HS3ST5: variants seen among roughly 807,000 people sequenced by gnomAD.
HS3ST5 encodes the protein heparan sulfate glucosamine 3-O-sulfotransferase 5.
HS3ST5 carries 10 observed loss-of-function variants against 25.4 expected under a neutral mutation model. The ratio of observed to expected loss-of-function variants is 0.39; its 90% CI spans 0.24 to 0.67. HS3ST5 has a LOEUF of 0.67. HS3ST5 is among the 30% of genes least tolerant of loss of function. The probability of loss-of-function intolerance (pLI) is 0.44; values close to 1 mark genes in which losing one functional copy is unlikely to be tolerated. For synonymous variants in HS3ST5, 170 were observed against 162.4 expected, an observed-to-expected ratio of 1.05 and a Z score of -0.36; for missense variants, 324 against 420.7, an observed-to-expected ratio of 0.77 and a Z score of 2.01.
chr6:114,171,061 T>C (rs114136395), intron 2 of HS3ST5, among the ~76,000 whole-genome samples: 2,482 of 152,294 alleles, frequency 0.016, 35 homozygotes, highest in African/African-American at 0.038. Flanking sequence ...TGAAATCAAA[T>C]ATTGATATGT....
chr6:114,144,956 A>G (rs1778081719), intron 3 of HS3ST5, among the ~76,000 whole-genome samples: 1 of 152,178 alleles, frequency 6.6e-6, no homozygotes, highest in Admixed American at 6.5e-5. Flanking sequence ...TTGGCCGGGT[A>G]GTGACATACC....
intron 1 of HS3ST5, among the ~76,000 whole-genome samples, chr6:114,240,312 T>C (rs1290104536): frequency 2.0e-5 from 3 of 152,178 alleles, no homozygotes; most frequent in Non-Finnish European, 4.4e-5. Flanking sequence ...CACCAATTCA[T>C]AAAGCACTGG....
At chr6:114,160,983 A>G (rs1778917480) in intron 3 of HS3ST5, among the ~76,000 whole-genome samples, 1 of 152,194 alleles carries the variant, frequency 6.6e-6, no homozygotes, top group Non-Finnish European at 1.5e-5. Flanking sequence ...TTTCTACTCC[A>G]GATAATTGGA....
intron 1 of HS3ST5, among the ~76,000 whole-genome samples, chr6:114,337,407 C>T (rs927415704): frequency 2.6e-5 from 4 of 152,062 alleles, no homozygotes; most frequent in Admixed American, 6.5e-5. Context: ...TACTATACAC[C>T]GTAGTAACAC....
intron 4 of HS3ST5, among the ~76,000 whole-genome samples, 176 bp from the exon 5 acceptor site, chr6:114,058,366 G>A (rs1214897791): frequency 2.6e-5 from 4 of 152,202 alleles, no homozygotes; most frequent in Non-Finnish European, 5.9e-5. Flanking sequence ...GTATTAAATG[G>A]AGCACACATA....
chr6:114,316,500 T>G (rs191827640), intron 1 of HS3ST5, among the ~76,000 whole-genome samples: 1 of 152,300 alleles, frequency 6.6e-6, no homozygotes, highest in African/African-American at 2.4e-5. Flanking sequence ...ATCAAATTGA[T>G]GATTTTTTAA....
At chr6:114,140,148 G>A (rs902259642) in intron 3 of HS3ST5, among the ~76,000 whole-genome samples, 3 of 152,036 alleles carry the variant, frequency 2.0e-5, no homozygotes, top group Admixed American at 6.6e-5. Flanking sequence ...ATTTATTCAA[G>A]GGGAAAAGTC....
chr6:114,117,033 A>G (rs9384890), intron 3 of HS3ST5, among the ~76,000 whole-genome samples: 1 of 152,170 alleles, frequency 6.6e-6, no homozygotes, highest in East Asian at 1.9e-4. Context: ...TAATATCATC[A>G]TCAAGAAATC....
chr6:114,340,002 C>G (rs1189435385), intron 1 of HS3ST5, among the ~76,000 whole-genome samples: 1 of 152,156 alleles, frequency 6.6e-6, no homozygotes, highest in Admixed American at 6.5e-5. Flanking sequence ...AAAATAACAA[C>G]CCAGCTCAAC....
chr6:114,181,006 A>G (rs1220997536), intron 2 of HS3ST5, among the ~76,000 whole-genome samples: 1 of 152,218 alleles, frequency 6.6e-6, no homozygotes. Flanking sequence ...TTTTGACCTC[A>G]GTAATTTAGA....
intron 3 of HS3ST5, among the ~76,000 whole-genome samples, chr6:114,096,835 GT>G (rs1418962075): frequency 2.0e-5 from 3 of 152,022 alleles, no homozygotes; most frequent in Admixed American, 1.3e-4. Context: ...AAAATGCTCT[GT>G]AATTTAAAGT....
intron 3 of HS3ST5, among the ~76,000 whole-genome samples, chr6:114,133,604 A>G (rs895160291): frequency 5.9e-5 from 9 of 152,194 alleles, no homozygotes; most frequent in African/African-American, 2.2e-4. Context: ...GCATTTATTC[A>G]GTCAGTCAGC....
intron 3 of HS3ST5, among the ~76,000 whole-genome samples, chr6:114,119,613 T>C (rs1223694525): frequency 6.6e-6 from 1 of 152,198 alleles, no homozygotes; most frequent in Non-Finnish European, 1.5e-5. Context: ...AGAGAAGAGA[T>C]ATTTGTGATA....
intron 3 of HS3ST5, among the ~76,000 whole-genome samples, chr6:114,092,641 A>G (rs944869203): frequency 6.6e-6 from 1 of 151,226 alleles, no homozygotes; most frequent in African/African-American, 2.4e-5. Context: ...TATACTTGCC[A>G]GATGTCAGGC....
intron 3 of HS3ST5, among the ~76,000 whole-genome samples, chr6:114,140,444 G>T (rs1403793360): frequency 6.6e-6 from 1 of 152,190 alleles, no homozygotes; most frequent in Non-Finnish European, 1.5e-5. Context: ...AAATCACGAA[G>T]ATGTTGTGTG....
At chr6:114,229,932 G>A (rs1417890782) in intron 1 of HS3ST5, among the ~76,000 whole-genome samples, 1 of 152,116 alleles carries the variant, frequency 6.6e-6, no homozygotes, top group African/African-American at 2.4e-5. Context: ...AATTCTACCT[G>A]TGTAAACCAT....
chr6:114,146,689 A>T (rs1262539153), intron 3 of HS3ST5, among the ~76,000 whole-genome samples: 1 of 152,152 alleles, frequency 6.6e-6, no homozygotes, highest in Non-Finnish European at 1.5e-5. Flanking sequence ...TGTTTGCATC[A>T]TGGGGGTGGA....
intron 3 of HS3ST5, among the ~76,000 whole-genome samples, chr6:114,156,102 T>C (rs576065797): frequency 6.6e-6 from 1 of 152,360 alleles, no homozygotes; most frequent in African/African-American, 2.4e-5. Flanking sequence ...CACCGACTTT[T>C]CTTCCAAGGA....
In HS3ST5 at chr6:114,342,527, C is replaced by G. The variant is rs961740839; in HGVS notation, c.-671G>C. On this transcript the variant is annotated 5_prime_UTR_variant, in exon 1 of 5. Transcript: ENST00000312719. ...TTTAGGGCGCGTTTCCTGCACTTCC[C>G]CGAGAGGCTGGAACCAGGTGCGGCA... 9 of 156,240 alleles carry G rather than the reference C, an allele frequency of 5.8e-5. No homozygotes were observed. Among genetic ancestry groups the G allele is most frequent in the African/African-American group, 1.9e-4 (8 of 41,476 alleles). 9.7% of individuals were successfully genotyped at this position (156,240 alleles called of 1,614,324 possible). A position where few individuals can be genotyped will look rare whatever the true frequency, so the allele number is the denominator to read the frequency against.
Sources: allele counts gnomAD v4.1 joint callset (sites outside exome capture counted in the v4.1 genomes callset), GRCh38; gene constraint gnomAD v4.1.1; transcripts MANE v1.5; gene names NCBI Gene and HGNC (gene_info 2026-07-23, HGNC 2026-07-21).